ANKRD17: variants seen among roughly 807,000 people sequenced by gnomAD.
ANKRD17 encodes the protein ankyrin repeat domain-containing protein 17.
A neutral mutation model predicts 229.7 loss-of-function variants in ANKRD17; 19 were observed. That is an observed-to-expected ratio of 0.08 (90% CI 0.06 to 0.12). ANKRD17 has a LOEUF of 0.12. Among genes scored for constraint, ANKRD17 ranks in the 10% least tolerant of loss-of-function variants. ANKRD17 has a pLI of 1.00. For missense variants in ANKRD17, 2,176 were observed against 3,176.8 expected (o/e 0.68, Z 7.57); for synonymous variants, 1,112 against 1,146.1 (o/e 0.97, Z 0.60).
intron 1 of ANKRD17, among the ~76,000 whole-genome samples, chr4:73,185,524 A>G (rs1736177055): frequency 6.6e-6 from 1 of 152,060 alleles, no homozygotes; most frequent in African/African-American, 2.4e-5. Flanking sequence ...AGATCTCTTA[A>G]TAAATCCAGT....
intron 29 of ANKRD17, among the ~76,000 whole-genome samples, chr4:73,090,189 C>G (rs1166278728): frequency 6.6e-6 from 1 of 152,144 alleles, no homozygotes; most frequent in African/African-American, 2.4e-5. Flanking sequence ...GTGGGTGAAT[C>G]ACCTGAGGTT....
chr4:73,195,734 CCT>C (rs1737774194), intron 1 of ANKRD17, among the ~76,000 whole-genome samples: 2 of 152,118 alleles, frequency 1.3e-5, no homozygotes, highest in Admixed American at 6.5e-5. Flanking sequence ...GTCTCAATCC[CCT>C]GACCTCGTGA....
intron 1 of ANKRD17, among the ~76,000 whole-genome samples, chr4:73,256,939 T>G (rs1412556307): frequency 1.3e-5 from 2 of 152,258 alleles, no homozygotes; most frequent in African/African-American, 4.8e-5. Context: ...TAAAAGAGAA[T>G]CTGGTCTTCT....
intron 2 of ANKRD17, among the ~76,000 whole-genome samples, chr4:73,177,111 A>G (rs1734836790): frequency 3.3e-5 from 5 of 152,222 alleles, no homozygotes; most frequent in African/African-American, 1.2e-4. Context: ...AGGCAAATTC[A>G]CAAATACATA....
chr4:73,128,201 T>A (rs1169484016), intron 16 of ANKRD17, among the ~76,000 whole-genome samples: 4 of 152,264 alleles, frequency 2.6e-5, no homozygotes, highest in African/African-American at 9.6e-5. Context: ...GATGGCCACA[T>A]AAGCTAACAA....
intron 24 of ANKRD17, chr4:73,113,142 A>T: frequency 4.0e-6 from 5 of 1,242,698 alleles, no homozygotes; most frequent in Non-Finnish European, 5.2e-6. Flanking sequence ...TCAATGCCAA[A>T]CCAATTATTT....
At chr4:73,082,021 A>C (rs1721619111) in intron 30 of ANKRD17, among the ~76,000 whole-genome samples, 1 of 152,050 alleles carries the variant, frequency 6.6e-6, no homozygotes, top group African/African-American at 2.4e-5. Context: ...ATGGTGGTGC[A>C]CACCTGTAGT....
intron 1 of ANKRD17, among the ~76,000 whole-genome samples, chr4:73,213,836 A>T (rs528879880): frequency 6.6e-6 from 1 of 152,300 alleles, no homozygotes; most frequent in South Asian, 2.1e-4. Context: ...TCATTTTCAT[A>T]GACTATATAA....
At position 73,076,163 on chromosome 4, in the gene ANKRD17, T is replaced by C; in HGVS notation, c.*68A>G. 1.4e-6 allele frequency: 2 copies of C among 1,440,750 alleles called. No homozygotes were observed. The highest frequency in any genetic ancestry group is 1.9e-6 in the Non-Finnish European group (2 of 1,051,696). 89.2% of individuals were successfully genotyped at this position (1,440,750 alleles called of 1,614,324 possible). A position where few individuals can be genotyped will look rare whatever the true frequency, so the allele number is the denominator to read the frequency against. ...AGTAGAATGATTTGGGAGCATAATT[T>C]TTTTTTTCGGCCACTTGTGATTTCC... is the stretch of plus-strand genomic sequence containing the variant. On this transcript the variant is annotated 3_prime_UTR_variant, in exon 34 of 34. Coordinates refer to ENST00000358602, the MANE Select transcript of ANKRD17 (RefSeq NM_032217.5).
At chr4:73,231,030 G>T (rs1344456008) in intron 1 of ANKRD17, among the ~76,000 whole-genome samples, 5 of 152,064 alleles carry the variant, frequency 3.3e-5, no homozygotes, top group African/African-American at 7.2e-5. Context: ...CAATGTTTTT[G>T]ATTTTAAATA....
chr4:73,132,269 C>T (rs932622553), intron 16 of ANKRD17, among the ~76,000 whole-genome samples: 14 of 151,828 alleles, frequency 9.2e-5, no homozygotes, highest in Non-Finnish European at 2.9e-5. Flanking sequence ...TCACCATGCC[C>T]GGCTAATTTT....
chr4:73,169,942 TG>T (rs1343730990), intron 2 of ANKRD17, among the ~76,000 whole-genome samples: 1 of 152,180 alleles, frequency 6.6e-6, no homozygotes, highest in Non-Finnish European at 1.5e-5. Flanking sequence ...CAGCAAGCCC[TG>T]TCAACACGGG....
intron 30 of ANKRD17, among the ~76,000 whole-genome samples, chr4:73,081,977 C>G (rs1048509337): frequency 6.6e-6 from 1 of 151,810 alleles, no homozygotes; most frequent in African/African-American, 2.4e-5. Flanking sequence ...AAAACCTCAT[C>G]TCTACAAAAA....
At chr4:73,188,458 G>A (rs903948369) in intron 1 of ANKRD17, among the ~76,000 whole-genome samples, 33 of 151,900 alleles carry the variant, frequency 2.2e-4, no homozygotes, top group Admixed American at 1.7e-3. Context: ...GGTGGTATGC[G>A]CCTGTAGTCC....
intron 1 of ANKRD17, among the ~76,000 whole-genome samples, chr4:73,257,240 C>T (rs1361480376): frequency 2.0e-5 from 3 of 152,170 alleles, no homozygotes; most frequent in Non-Finnish European, 4.4e-5. Context: ...AGTGGTAAAA[C>T]AGCTAATAAC....
intron 23 of ANKRD17, 83 bp downstream of exon 23, chr4:73,115,738 T>C: frequency 9.3e-7 from 1 of 1,076,184 alleles, no homozygotes; most frequent in Admixed American, 1.8e-5. Flanking sequence ...TATTACACTT[T>C]ACTACTCAAA....
In ANKRD17 at chr4:73,090,904, C is replaced by T; in HGVS notation, c.6724G>A (p.Ala2242Thr). The T allele has an allele frequency of 6.2e-7, 1 of 1,614,186 alleles. No homozygotes were observed. The highest frequency in any genetic ancestry group is 8.5e-7 in the Non-Finnish European group (1 of 1,180,046). The change falls in exon 29 of 34, where the codon GCT becomes ACT. Residue 2242 changes from alanine (A) to threonine (T), a missense_variant. Ala to Thr is a moderately conservative substitution (Grantham distance 58). Coordinates refer to ENST00000358602, the MANE Select transcript of ANKRD17 (RefSeq NM_032217.5). Reference sequence around the variant, plus strand: ...GGTAAGGGGGCACTGAAATTGGGAGCAATAGGCTTATTTGCTGGATGTACT... The same window carrying T: ...GGTAAGGGGGCACTGAAATTGGGAGTAATAGGCTTATTTGCTGGATGTACT... ...NSVHPANKPI[A>T]PNFSAPLPFG...
chr4:73,077,014 G>T lies in ANKRD17; in HGVS notation c.7678C>A (p.His2560Asn), dbSNP rs2306059. 2 of 1,613,798 alleles carry T rather than the reference G, an allele frequency of 1.2e-6. No homozygotes were observed. Among genetic ancestry groups the T allele is most frequent in the Non-Finnish European group, 1.7e-6 (2 of 1,179,864 alleles). The change falls in exon 33 of 34, where the codon CAT becomes AAT. Residue 2560 changes from histidine to asparagine, a missense_variant. Around this residue, in one of 18 missense-constraint regions of ANKRD17, gnomAD observed 159 missense variants for 214.3 expected, o/e 0.74. Transcript: ENST00000358602. ...GAGGPIFNGP[H>N]AADPSWNSLI... ...GAGTTCCAAGAAGGGTCTGCAGCATGAGGGCCATTAAATATGGGTCCTCCA... is the reference window on the plus strand; with the variant it reads ...GAGTTCCAAGAAGGGTCTGCAGCATTAGGGCCATTAAATATGGGTCCTCCA...
rs540556219 is a variant in ANKRD17, at chr4:73,192,613, A to C, written c.394-15080T>G. On this transcript the variant is annotated intron_variant, in intron 1 of 33. Coordinates refer to ENST00000358602, the MANE Select transcript of ANKRD17 (RefSeq NM_032217.5). ...TTTAGCAAACAATTAATGAGAAAAA[A>C]CAACTTCTTTAGACTTTCAAACAAA... Among the ~76,000 whole-genome samples the C allele has an allele frequency of 3.3e-5, 5 of 152,254 alleles. No individual in the cohort carries two copies. The East Asian group carries it at 9.6e-4, about 29-fold the overall frequency.
Sources: allele counts gnomAD v4.1 joint callset (sites outside exome capture counted in the v4.1 genomes callset), GRCh38; gene constraint gnomAD v4.1.1; regional missense constraint gnomAD v4.1.1; transcripts MANE v1.5; gene names NCBI Gene and HGNC (gene_info 2026-07-23, HGNC 2026-07-21).